Variants in KIAA1549L observed in about 807,000 individuals in gnomAD.
The protein encoded by KIAA1549L is KIAA1549 like.
Under a neutral mutation model 160.7 loss-of-function variants are expected in KIAA1549L, and 88 were observed. The ratio of observed to expected loss-of-function variants is 0.55; its 90% CI spans 0.46 to 0.65. The LOEUF (loss-of-function observed/expected upper bound fraction) is 0.65, where lower values mean the gene tolerates loss of function less well. Ranked by LOEUF, KIAA1549L falls within the 30% of genes least tolerant of loss-of-function variation. The pLI is 0.00. For missense variants in KIAA1549L, 2,258 were observed against 2,437.5 expected, an observed-to-expected ratio of 0.93 and a Z score of 1.55; for synonymous variants, 950 against 976.7, an observed-to-expected ratio of 0.97 and a Z score of 0.51.
chr11:33,546,938 T>G (rs2133188491), intron 3 of KIAA1549L, among the ~76,000 whole-genome samples: 1 of 152,400 alleles, frequency 6.6e-6, no homozygotes, highest in African/African-American at 2.4e-5. Context: ...GAATGTGGTC[T>G]TTCTTTCCCT....
Position 33,559,750 on chromosome 11 carries a change from T to C in KIAA1549L, c.3857T>C (p.Ile1286Thr). 6.2e-7 allele frequency: 1 copy of C among 1,613,848 alleles called. No individual in the cohort carries two copies. Among genetic ancestry groups the C allele is most frequent in the Non-Finnish European group, 8.5e-7 (1 of 1,179,784 alleles). The change falls in exon 7 of 21, where the codon ATT becomes ACT. Residue 1286 changes from isoleucine to threonine, a missense_variant and splice_region_variant. Ile to Thr is a moderately conservative substitution (Grantham distance 89). Transcript: ENST00000658780. ...CCCTTTTCTCCTGTGTTGATTCAGA[T>C]TGTGAGCACGTCCAATGCCTCCCAG... is the stretch of plus-strand genomic sequence containing the variant. ...LNTKSNLTIQ[I>T]VSTSNASQAV...
intron 1 of KIAA1549L, among the ~76,000 whole-genome samples, chr11:33,462,444 T>C (rs1565147089): frequency 6.6e-6 from 1 of 152,236 alleles, no homozygotes; most frequent in Non-Finnish European, 1.5e-5. Flanking sequence ...CCTTTTAGTT[T>C]TGTGCAGATA....
intron 16 of KIAA1549L, among the ~76,000 whole-genome samples, chr11:33,645,461 A>G (rs964719655): frequency 6.6e-6 from 1 of 152,154 alleles, no homozygotes; most frequent in African/African-American, 2.4e-5. Flanking sequence ...TGGTCAATCT[A>G]TGGGCAACTG....
At chr11:33,610,970 C>T (rs1850633950) in intron 15 of KIAA1549L, among the ~76,000 whole-genome samples, 1 of 152,186 alleles carries the variant, frequency 6.6e-6, no homozygotes, top group African/African-American at 2.4e-5. Flanking sequence ...CCCTCATGGC[C>T]CTGTCACCTC....
intron 20 of KIAA1549L, chr11:33,665,392 C>T (rs1023231418): frequency 7.9e-5 from 12 of 152,088 alleles, no homozygotes; most frequent in African/African-American, 2.7e-4. Flanking sequence ...CTGCTGCTCT[C>T]AGCAGAGAGG....
intron 17 of KIAA1549L, among the ~76,000 whole-genome samples, chr11:33,647,375 CAAAAAAAA>C (rs10578169): frequency 1.6e-4 from 18 of 115,076 alleles, no homozygotes; most frequent in Non-Finnish European, 1.8e-4. Context: ...GACTCTGTCT[CAAAAAAAA>C]AAAAAAAAAA....
At chr11:33,491,522 T>G (rs1254512585) in intron 1 of KIAA1549L, among the ~76,000 whole-genome samples, 1 of 152,334 alleles carries the variant, frequency 6.6e-6, no homozygotes, top group South Asian at 2.1e-4. Context: ...CAAGAGTGTC[T>G]AGTTACATTT....
intron 1 of KIAA1549L, among the ~76,000 whole-genome samples, chr11:33,406,171 TGTG>T (rs1850647367): frequency 6.6e-6 from 1 of 152,210 alleles, no homozygotes; most frequent in East Asian, 1.9e-4. Flanking sequence ...TTTTTGTTGT[TGTG>T]AATATAACAA....
chr11:33,383,442 ACT>A (rs1451358243), intron 1 of KIAA1549L, among the ~76,000 whole-genome samples: 1 of 151,930 alleles, frequency 6.6e-6, no homozygotes, highest in East Asian at 1.9e-4. Context: ...ATGGATGGTG[ACT>A]CTCTTTGGGG....
rs1459884397 is a variant in KIAA1549L at position 33,541,786 on chromosome 11, A to G, written c.239-16A>G. On this transcript the variant is annotated splice_polypyrimidine_tract_variant and intron_variant, in intron 1 of 20. Coordinates refer to ENST00000658780, the MANE Select transcript of KIAA1549L (RefSeq NM_012194.3). ...TGAGCATCCAACACCTGACGGCCTG[A>G]TATTTTGTTTCACAGGAACAGACAA... 4 of 249,346 alleles carry G rather than the reference A, an allele frequency of 1.6e-5. No homozygotes were observed. The highest frequency in any genetic ancestry group is 4.4e-5 in the African/African-American group (2 of 45,100). 15.4% of individuals were successfully genotyped at this position (249,346 alleles called of 1,614,324 possible). A position where few individuals can be genotyped will look rare whatever the true frequency, so the allele number is the denominator to read the frequency against.
Position 33,646,056 on chromosome 11 carries a change from C to T in KIAA1549L, c.5760+20C>T, listed in dbSNP as rs760172662. On this transcript the variant is annotated intron_variant, in intron 17 of 20. Transcript: ENST00000658780. ...CGGCCGGTAAGTCATTCATTCCACC[C>T]ACCTGCCATCATCTGGTCAGTCTGC... 16 of 1,513,774 alleles carry T rather than the reference C, an allele frequency of 1.1e-5. No individual in the cohort carries two copies. Among genetic ancestry groups the T allele is most frequent in the Non-Finnish European group, 1.1e-5 (12 of 1,118,862 alleles). 93.8% of individuals were successfully genotyped at this position (1,513,774 alleles called of 1,614,324 possible). A position where few individuals can be genotyped will look rare whatever the true frequency, so the allele number is the denominator to read the frequency against.
At chr11:33,488,026 A>G (rs996134559) in intron 1 of KIAA1549L, among the ~76,000 whole-genome samples, 5 of 152,200 alleles carry the variant, frequency 3.3e-5, no homozygotes, top group South Asian at 2.1e-4. Flanking sequence ...GATCCCTCCT[A>G]TTATGGATGT....
At chr11:33,523,726 T>C (rs1216008054) in intron 1 of KIAA1549L, among the ~76,000 whole-genome samples, 2 of 152,240 alleles carry the variant, frequency 1.3e-5, no homozygotes, top group African/African-American at 4.8e-5. Flanking sequence ...GTGTATGTGC[T>C]TATGTTGACT....
intron 1 of KIAA1549L, among the ~76,000 whole-genome samples, chr11:33,449,554 T>A (rs1465836788): frequency 1.3e-5 from 2 of 152,188 alleles, no homozygotes; most frequent in Admixed American, 1.3e-4. Context: ...TGTGACTCTC[T>A]GTTGTTGGTA....
At chr11:33,578,933 G>A (rs1412971400) in intron 10 of KIAA1549L, among the ~76,000 whole-genome samples, 1 of 152,162 alleles carries the variant, frequency 6.6e-6, no homozygotes, top group Non-Finnish European at 1.5e-5. Context: ...GGAAGATCTA[G>A]CTCCAGTTCC....
At chr11:33,537,107 G>A (rs897916094) in intron 1 of KIAA1549L, among the ~76,000 whole-genome samples, 1 of 152,196 alleles carries the variant, frequency 6.6e-6, no homozygotes, top group African/African-American at 2.4e-5. Context: ...TCAGTTCCTT[G>A]TACTCGTGAT....
At chr11:33,617,896 T>C (rs1850859696) in intron 15 of KIAA1549L, among the ~76,000 whole-genome samples, 1 of 151,452 alleles carries the variant, frequency 6.6e-6, no homozygotes, top group Non-Finnish European at 1.5e-5. Flanking sequence ...TGGATAGATG[T>C]GGATGGATGG....
At chr11:33,611,178 A>G (rs1018189043) in intron 15 of KIAA1549L, among the ~76,000 whole-genome samples, 2 of 152,190 alleles carry the variant, frequency 1.3e-5, no homozygotes, top group African/African-American at 2.4e-5. Flanking sequence ...CACCTACCTG[A>G]AGCACTTTCA....
rs1849955288 is a variant in KIAA1549L at position 33,376,516 on chromosome 11, T to A, written c.-136T>A. 1 of 147,620 alleles carries A rather than the reference T, an allele frequency of 6.8e-6. No homozygotes were observed. Among genetic ancestry groups the A allele is most frequent in the African/African-American group, 2.5e-5 (1 of 40,654 alleles). The allele number at this position is 147,620 out of a possible 1,614,324, so 9.1% of individuals were successfully genotyped here. A position where few individuals can be genotyped will look rare whatever the true frequency, so the allele number is the denominator to read the frequency against. On this transcript the variant is annotated 5_prime_UTR_variant, in exon 1 of 21. Coordinates refer to ENST00000658780, the MANE Select transcript of KIAA1549L (RefSeq NM_012194.3). This position sits in a 1 kb window ranked among gnomAD's most constrained non-coding sequence, Gnocchi z 5.8. Reference sequence around the variant, plus strand: ...GGGCGCGGCAGGACGAGCGAGCCAGTCGCGCCGCTCGGCGCCCCCTCCCTC... The same window carrying A: ...GGGCGCGGCAGGACGAGCGAGCCAGACGCGCCGCTCGGCGCCCCCTCCCTC...
Sources: gnomAD v4.1 joint callset for allele counts (sites outside exome capture counted in the v4.1 genomes callset) on GRCh38, gnomAD v4.1.1 for gene constraint, Gnocchi (gnomAD v3.1) non-coding constraint, MANE v1.5 for transcripts, NCBI Gene and HGNC (gene_info 2026-07-23, HGNC 2026-07-21) for gene names.